The following CDH6 variants were observed in gnomAD, a reference collection of about 807,000 sequenced individuals.
CDH6 encodes the protein cadherin 6.
Under a neutral mutation model 78.0 loss-of-function variants are expected in CDH6, and 31 were observed. The observed-to-expected ratio is 0.40, with a 90% CI of 0.30 to 0.54. The LOEUF is 0.54. Among genes scored for constraint, CDH6 ranks in the 20% least tolerant of loss-of-function variants. The pLI is 0.56. For missense variants in CDH6, 724 were observed against 975.9 expected, an observed-to-expected ratio of 0.74 and a Z score of 3.44; for synonymous variants, 376 against 368.8, an observed-to-expected ratio of 1.02 and a Z score of -0.23.
At chr5:31,275,256 G>A (rs1394216505) in intron 2 of CDH6, among the ~76,000 whole-genome samples, 3 of 152,046 alleles carry the variant, frequency 2.0e-5, no homozygotes, top group Non-Finnish European at 2.9e-5. Flanking sequence ...ATTATATTCC[G>A]TGAAGCTGAG....
In CDH6 at chr5:31,273,744, T is replaced by A. The variant is rs527907741; in HGVS notation, c.228+6043T>A. Among the ~76,000 whole-genome samples, 22 of 152,150 alleles carry A rather than the reference T, an allele frequency of 1.4e-4. No homozygotes were observed. In the South Asian group the frequency reaches 2.7e-3, roughly 19 times the overall value. On this transcript the variant is annotated intron_variant, in intron 2 of 11. Coordinates refer to ENST00000265071, the MANE Select transcript of CDH6 (RefSeq NM_004932.4). Reference sequence around the variant, plus strand: ...AAACCCAAAGGTAGAGAAAAAAAAATTTTTTTAAAGGCTACTTTTAAAGAG... The same window carrying A: ...AAACCCAAAGGTAGAGAAAAAAAAAATTTTTTAAAGGCTACTTTTAAAGAG...
intron 1 of CDH6, among the ~76,000 whole-genome samples, chr5:31,225,035 G>T (rs138284136): frequency 6.6e-6 from 1 of 152,126 alleles, no homozygotes; most frequent in African/African-American, 2.4e-5. Flanking sequence ...GGTGCTACTG[G>T]TGTCTAACAG....
At chr5:31,268,825 C>T (rs1742437314) in intron 2 of CDH6, among the ~76,000 whole-genome samples, 2 of 152,080 alleles carry the variant, frequency 1.3e-5, no homozygotes. Context: ...TATTTACCAC[C>T]GTAAATGAAG....
At chr5:31,248,627 T>C (rs1299336530) in intron 1 of CDH6, among the ~76,000 whole-genome samples, 3 of 152,190 alleles carry the variant, frequency 2.0e-5, no homozygotes, top group Non-Finnish European at 4.4e-5. Context: ...TAACAAGTTG[T>C]ACTGATCTTT....
intron 1 of CDH6, among the ~76,000 whole-genome samples, chr5:31,257,231 C>T (rs763211428): frequency 1.3e-5 from 2 of 152,172 alleles, no homozygotes; most frequent in South Asian, 2.1e-4. Context: ...GGCGCGATCT[C>T]GGCTCACTGC....
chr5:31,323,392 G>C lies in CDH6; in HGVS notation c.*84G>C. On this transcript the variant is annotated 3_prime_UTR_variant, in exon 12 of 12. Transcript: ENST00000265071. ...TATATTTATCCACTACTCCGTGAAGGCTTCTCTGTTCTACCCGTTCCAAAA... is the reference window on the plus strand; with the variant it reads ...TATATTTATCCACTACTCCGTGAAGCCTTCTCTGTTCTACCCGTTCCAAAA... 2 of 1,465,226 alleles carry C rather than the reference G, an allele frequency of 1.4e-6. No individual in the cohort carries two copies. The highest frequency in any genetic ancestry group is 1.9e-6 in the Non-Finnish European group (2 of 1,080,196). 90.8% of individuals were successfully genotyped at this position (1,465,226 alleles called of 1,614,324 possible).
At chr5:31,205,500 T>A (rs1266956791) in intron 1 of CDH6, among the ~76,000 whole-genome samples, 1 of 152,250 alleles carries the variant, frequency 6.6e-6, no homozygotes, top group Non-Finnish European at 1.5e-5. Flanking sequence ...TATGCCTTCC[T>A]AAGCAGATTA....
intron 2 of CDH6, among the ~76,000 whole-genome samples, chr5:31,274,784 C>A (rs1470131538): frequency 1.3e-5 from 2 of 152,224 alleles, no homozygotes; most frequent in Non-Finnish European, 2.9e-5. Context: ...CTCGCTACTG[C>A]ACTCCCAGCC....
In CDH6 at chr5:31,317,706, G is replaced by T; in HGVS notation, c.1664G>T (p.Gly555Val). The T allele has an allele frequency of 1.2e-6, 2 of 1,613,452 alleles. No homozygotes were observed. The highest frequency in any genetic ancestry group is 2.7e-5 in the African/African-American group (2 of 75,012). ...NTAGILTRKN[G>V]YNRHEMSTYL... ...GCGGGAATCTTAACTCGGAAAAATG[G>T]CTATAATAGACACGAGATGAGCACC... The change falls in exon 11 of 12, where the codon GGC (glycine) becomes GTC (valine). Residue 555 changes from glycine (G) to valine (V), a missense_variant. Physicochemically the swap from Gly to Val is moderately radical, Grantham distance 109. This residue lies in a region of CDH6 where 446 missense variants were observed against 684.5 expected (regional missense o/e 0.65). Transcript: ENST00000265071.
chr5:31,252,463 T>C (rs1275688617), intron 1 of CDH6, among the ~76,000 whole-genome samples: 1 of 152,094 alleles, frequency 6.6e-6, no homozygotes, highest in African/African-American at 2.4e-5. Context: ...AATAATCCAG[T>C]CAATAATTTG....
chr5:31,293,407 T>C (rs1737473046), intron 2 of CDH6, among the ~76,000 whole-genome samples: 1 of 152,120 alleles, frequency 6.6e-6, no homozygotes, highest in Non-Finnish European at 1.5e-5. Flanking sequence ...AAAAAATGAT[T>C]ATAATCTCTA....
intron 1 of CDH6, chr5:31,251,172 C>T (rs114267230): frequency 0.012 from 1,896 of 152,298 alleles, 19 homozygotes; most frequent in Non-Finnish European, 0.02. Flanking sequence ...ACTTAGAAAC[C>T]CAAAGGGAGC....
chr5:31,262,905 G>A (rs992571273), intron 1 of CDH6, among the ~76,000 whole-genome samples: 10 of 152,070 alleles, frequency 6.6e-5, no homozygotes, highest in Non-Finnish European at 1.5e-4. Context: ...CGCTGCTTCC[G>A]GGCCATTGTC....
intron 6 of CDH6, among the ~76,000 whole-genome samples, chr5:31,302,907 G>GAA (rs756951213): frequency 1.3e-4 from 11 of 86,862 alleles, no homozygotes; most frequent in South Asian, 4.1e-4. Flanking sequence ...AAGAAAAAAA[G>GAA]AAAGAAAGAA....
At chr5:31,320,607 G>A (rs1385067865) in intron 11 of CDH6, among the ~76,000 whole-genome samples, 1 of 152,122 alleles carries the variant, frequency 6.6e-6, no homozygotes, top group Non-Finnish European at 1.5e-5. Context: ...TAGATCATGA[G>A]CATCCCTCTG....
chr5:31,229,928 A>T (rs79065398), intron 1 of CDH6, among the ~76,000 whole-genome samples: 1 of 152,160 alleles, frequency 6.6e-6, no homozygotes, highest in South Asian at 2.1e-4. Flanking sequence ...TGGTATGACA[A>T]TTAAGATTGA....
chr5:31,257,518 C>T (rs1742090689), intron 1 of CDH6, among the ~76,000 whole-genome samples: 1 of 152,200 alleles, frequency 6.6e-6, no homozygotes, highest in Admixed American at 6.5e-5. Flanking sequence ...TTTAGTCATT[C>T]TTACATTCAG....
Position 31,328,728 on chromosome 5 carries a change from C to A in CDH6, c.*5420C>A, listed in dbSNP as rs770715668. The A allele has an allele frequency of 4.6e-6, 1 of 215,522 alleles. No homozygotes were observed. Among genetic ancestry groups the A allele is most frequent in the Non-Finnish European group, 9.3e-6 (1 of 107,020 alleles). The allele number at this position is 215,522 out of a possible 1,614,324, so 13.4% of individuals were successfully genotyped here. A position where few individuals can be genotyped will look rare whatever the true frequency, so the allele number is the denominator to read the frequency against. On this transcript the variant is annotated 3_prime_UTR_variant, in exon 12 of 12. Coordinates refer to ENST00000265071, the MANE Select transcript of CDH6 (RefSeq NM_004932.4). ...AAGTATAAATTGAAACGGATGCCAC[C>A]CTTGAAGATTTACTGGCGGGAATGC...
chr5:31,197,182 T>C (rs1740192731), intron 1 of CDH6, among the ~76,000 whole-genome samples: 2 of 152,206 alleles, frequency 1.3e-5, no homozygotes. Flanking sequence ...CCTTGATGTA[T>C]CACAACACAT....
Sources: gnomAD v4.1 joint callset for allele counts (sites outside exome capture counted in the v4.1 genomes callset) on GRCh38, gnomAD v4.1.1 for gene constraint, gnomAD v4.1.1 regional missense constraint, MANE v1.5 for transcripts, NCBI Gene and HGNC (gene_info 2026-07-23, HGNC 2026-07-21) for gene names.